PTPRQ: variants seen among roughly 807,000 people sequenced by gnomAD.
PTPRQ encodes the protein protein tyrosine phosphatase receptor type Q.
PTPRQ carries 199 observed loss-of-function variants against 246.0 expected under a neutral mutation model. The observed-to-expected ratio is 0.81, with a 90% CI of 0.72 to 0.91. PTPRQ has a LOEUF of 0.91. Among genes scored for constraint, PTPRQ ranks in the 40% least tolerant of loss-of-function variants. The pLI is 0.00. For synonymous variants in PTPRQ, 869 were observed against 853.2 expected (o/e 1.02, Z -0.32); for missense variants, 2,624 against 2,528.4 (o/e 1.04, Z -0.81).
chr12:80,461,624 T>G (rs1893171746), intron 6 of PTPRQ, among the ~76,000 whole-genome samples: 1 of 150,548 alleles, frequency 6.6e-6, no homozygotes, highest in South Asian at 2.1e-4. Context: ...ATATATAATA[T>G]ATATAGCTGA....
chr12:80,663,006 C>T (rs1900680013), intron 39 of PTPRQ, among the ~76,000 whole-genome samples: 1 of 151,854 alleles, frequency 6.6e-6, no homozygotes, highest in African/African-American at 2.4e-5. Context: ...AAACATTTTA[C>T]CTGGTGCTTT....
chr12:80,495,911 ATTC>A (rs1462887032), intron 12 of PTPRQ, 85 bp from the exon 13 acceptor site: 1 of 1,430,750 alleles, frequency 7.0e-7, no homozygotes, highest in African/African-American at 1.5e-5. Context: ...CCCCGTATAA[ATTC>A]TTCTTACTGG....
intron 25 of PTPRQ, among the ~76,000 whole-genome samples, chr12:80,580,787 A>G (rs1421094920): frequency 6.6e-6 from 1 of 152,212 alleles, no homozygotes; most frequent in East Asian, 1.9e-4. Flanking sequence ...TCCACAGTCA[A>G]CAAACACTTA....
At chr12:80,508,648 GTTTC>G (rs1895036410) in intron 16 of PTPRQ, among the ~76,000 whole-genome samples, 1 of 151,972 alleles carries the variant, frequency 6.6e-6, no homozygotes, top group Non-Finnish European at 1.5e-5. Context: ...AATTTTTCTA[GTTTC>G]AATTTTGTTA....
chr12:80,546,729 C>T, intron 24 of PTPRQ, 32 bp downstream of exon 24: 1 of 1,538,236 alleles, frequency 6.5e-7, no homozygotes, highest in East Asian at 2.5e-5. Context: ...TAAAATGTTT[C>T]TTTTTATATT....
intron 9 of PTPRQ, among the ~76,000 whole-genome samples, chr12:80,489,149 G>A (rs1894368742): frequency 6.6e-6 from 1 of 152,040 alleles, no homozygotes; most frequent in Non-Finnish European, 1.5e-5. Context: ...ACCCATAGAT[G>A]AATAAGAAAC....
chr12:80,646,427 G>C (rs1900074480), intron 35 of PTPRQ, among the ~76,000 whole-genome samples: 1 of 152,216 alleles, frequency 6.6e-6, no homozygotes, highest in South Asian at 2.1e-4. Flanking sequence ...AGCCAGTTAT[G>C]GTTTAAAATA....
At chr12:80,580,772 T>C (rs1435452780) in intron 25 of PTPRQ, among the ~76,000 whole-genome samples, 1 of 152,184 alleles carries the variant, frequency 6.6e-6, no homozygotes, top group African/African-American at 2.4e-5. Flanking sequence ...GAACCATCAT[T>C]TATTTCCACA....
intron 28 of PTPRQ, 46 bp downstream of exon 28, chr12:80,610,671 C>T: frequency 6.5e-7 from 1 of 1,532,556 alleles, no homozygotes; most frequent in Non-Finnish European, 8.8e-7. Context: ...TGAGATTTAG[C>T]TGGCTTTCTT....
chr12:80,449,480 G>C (rs193218066), intron 3 of PTPRQ, among the ~76,000 whole-genome samples: 28 of 152,252 alleles, frequency 1.8e-4, no homozygotes, highest in Admixed American at 1.8e-3. Flanking sequence ...TAATGCCTAG[G>C]TTTACTTCTA....
intron 25 of PTPRQ, among the ~76,000 whole-genome samples, chr12:80,556,485 G>A (rs1439042061): frequency 6.6e-6 from 1 of 152,120 alleles, no homozygotes; most frequent in East Asian, 1.9e-4. Flanking sequence ...GGATGATATG[G>A]CACATATTTG....
At chr12:80,648,661 TAAC>T (rs1229450953) in intron 35 of PTPRQ, among the ~76,000 whole-genome samples, 8 of 152,120 alleles carry the variant, frequency 5.3e-5, no homozygotes, top group Admixed American at 6.6e-5. Flanking sequence ...ACATTTATAA[TAAC>T]AACAACATCT....
At chr12:80,474,272 T>A (rs1047695538) in intron 8 of PTPRQ, among the ~76,000 whole-genome samples, 1 of 152,214 alleles carries the variant, frequency 6.6e-6, no homozygotes, top group Non-Finnish European at 1.5e-5. Context: ...CTAATTAAAG[T>A]TACTTAATTT....
intron 35 of PTPRQ, 90 bp downstream of exon 35, chr12:80,635,163 G>C (rs1899598476): frequency 6.8e-7 from 1 of 1,480,590 alleles, no homozygotes; most frequent in South Asian, 1.4e-5. Context: ...TGTTTGTGGG[G>C]CTCTAATTTA....
intron 28 of PTPRQ, among the ~76,000 whole-genome samples, chr12:80,611,078 C>T (rs941738999): frequency 2.0e-5 from 3 of 150,416 alleles, no homozygotes; most frequent in African/African-American, 4.8e-5. Flanking sequence ...ATCCAGCTCA[C>T]ATTTATCACA....
chr12:80,576,298 C>T (rs1828438303), intron 25 of PTPRQ, among the ~76,000 whole-genome samples: 1 of 152,012 alleles, frequency 6.6e-6, no homozygotes, highest in African/African-American at 2.4e-5. Flanking sequence ...CGTGCCATCA[C>T]ACCCAGCTAA....
chr12:80,506,128 T>A lies in PTPRQ; in HGVS notation c.2377T>A (p.Tyr793Asn), dbSNP rs777856567. 1.8e-4 allele frequency: 278 copies of A among 1,539,502 alleles called. No individual in the cohort carries two copies. Among genetic ancestry groups the A allele is most frequent in the Non-Finnish European group, 2.4e-4 (272 of 1,142,520 alleles). Reference sequence around the variant, plus strand: ...TAGTCCCAATGGAATCATACAAAAATATACAATTTATCTCAAGAGAAGTAA... The same window carrying A: ...TAGTCCCAATGGAATCATACAAAAAAATACAATTTATCTCAAGAGAAGTAA... ...PSSPNGIIQK[Y>N]TIYLKRSNGN... Residue 793 changes from tyrosine to asparagine, a missense_variant, in exon 15 of 45, where the codon TAT becomes AAT. Transcript: ENST00000644991.
At chr12:80,527,369 T>C (rs1895718167) in intron 17 of PTPRQ, among the ~76,000 whole-genome samples, 1 of 152,116 alleles carries the variant, frequency 6.6e-6, no homozygotes, top group Admixed American at 6.6e-5. Flanking sequence ...AAATTGACCC[T>C]TTTCCAAATA....
At position 80,493,355 on chromosome 12, in the gene PTPRQ, G is replaced by A. The variant is rs2120645317; in HGVS notation, c.1440G>A (p.Met480Ile). The A allele has an allele frequency of 1.3e-6, 2 of 1,549,996 alleles. No individual in the cohort carries two copies. The highest frequency in any genetic ancestry group is 4.9e-5 in the East Asian group (2 of 40,870). Residue 480 changes from methionine (M) to isoleucine (I), a missense_variant, in exon 10 of 45, where the codon ATG becomes ATA. Coordinates refer to ENST00000644991, the MANE Select transcript of PTPRQ (RefSeq NM_001145026.2). Reference sequence around the variant, plus strand: ...GATTATATGAGGGTTCAGCAGAGATGTCGTCTGACCTTCACTCACTTGCTA... The same window carrying A: ...GATTATATGAGGGTTCAGCAGAGATATCGTCTGACCTTCACTCACTTGCTA... Reference protein sequence around the residue: ...MVGLYEGSAEMSSDLHSLATF... With the variant: ...MVGLYEGSAEISSDLHSLATF...
Sources: gnomAD v4.1 joint callset for allele counts (sites outside exome capture counted in the v4.1 genomes callset) on GRCh38, gnomAD v4.1.1 for gene constraint, MANE v1.5 for transcripts, NCBI Gene and HGNC (gene_info 2026-07-23, HGNC 2026-07-21) for gene names.